NRG3: variants seen among roughly 807,000 people sequenced by gnomAD.
The protein encoded by NRG3 is pro-neuregulin-3, membrane-bound isoform.
NRG3 carries 31 observed loss-of-function variants against 66.9 expected under a neutral mutation model. The ratio of observed to expected loss-of-function variants is 0.46; its 90% confidence interval spans 0.35 to 0.63. The LOEUF (loss-of-function observed/expected upper bound fraction) is 0.63. NRG3 is among the 20% of genes least tolerant of loss of function. The probability of loss-of-function intolerance (pLI) is 0.00; values close to 1 mark genes in which losing one functional copy is unlikely to be tolerated. For synonymous variants in NRG3, 393 were observed against 359.4 expected, an observed-to-expected ratio of 1.09 and a Z score of -1.06; for missense variants, 910 against 878.9, an observed-to-expected ratio of 1.04 and a Z score of -0.45.
At chr10:82,541,008 G>T (rs78380287) in intron 2 of NRG3, among the ~76,000 whole-genome samples, 3,131 of 152,104 alleles carry the variant, frequency 0.021, 97 homozygotes, top group African/African-American at 0.07. Context: ...AGAGATGGCG[G>T]GTACACATGT....
chr10:82,515,124 A>G (rs1845530936), intron 2 of NRG3, among the ~76,000 whole-genome samples: 1 of 152,182 alleles, frequency 6.6e-6, no homozygotes, highest in South Asian at 2.1e-4. Context: ...ATTTAGTGGT[A>G]TCTCAATGTG....
At position 82,486,201 on chromosome 10, in the gene NRG3, T is replaced by TGG. The variant is rs560348728; in HGVS notation, c.953+127333_953+127334insGG. 2.8e-3 allele frequency among the ~76,000 whole-genome samples: 420 copies of TGG among 152,316 alleles called. 1 individual carries two copies. Among genetic ancestry groups the TGG allele is most frequent in the African/African-American group, 9.7e-3 (402 of 41,576 alleles). The stretch of plus-strand genomic sequence containing the variant: ...TGGAGAAATTGGAACCCTTGTATAT[T>TGG]ATTGGTGGGACTGTAAAATAGTGCA... On this transcript the variant is annotated intron_variant, in intron 2 of 8. Coordinates refer to ENST00000372141, the MANE Select transcript of NRG3 (RefSeq NM_001010848.4).
intron 1 of NRG3, among the ~76,000 whole-genome samples, chr10:82,341,622 T>C (rs1233571780): frequency 6.6e-6 from 1 of 152,080 alleles, no homozygotes; most frequent in Non-Finnish European, 1.5e-5. Flanking sequence ...TTTATAGATT[T>C]AGGGAGTACA....
chr10:82,237,854 T>C (rs1688214353), intron 1 of NRG3, among the ~76,000 whole-genome samples: 1 of 152,194 alleles, frequency 6.6e-6, no homozygotes, highest in Non-Finnish European at 1.5e-5. Context: ...CAGGACAAAG[T>C]AAGATCATTT....
chr10:82,395,382 G>A (rs544129412), intron 2 of NRG3, among the ~76,000 whole-genome samples: 51 of 152,282 alleles, frequency 3.3e-4, no homozygotes, highest in Non-Finnish European at 5.1e-4. Context: ...CATTGCAGAT[G>A]TGAAAATATG....
intron 1 of NRG3, among the ~76,000 whole-genome samples, chr10:82,075,966 C>T (rs1042023697): frequency 1.5e-5 from 2 of 134,004 alleles, no homozygotes; most frequent in African/African-American, 5.4e-5. Context: ...AAAAAAAAAA[C>T]GATCATTTAA....
In NRG3 at chr10:82,845,623, AG is replaced by A. The variant is rs1043584365; in HGVS notation, c.1028-19786del. On this transcript the variant is annotated intron_variant, in intron 3 of 8. Coordinates refer to ENST00000372141, the MANE Select transcript of NRG3 (RefSeq NM_001010848.4). ...GATAAACTGGAAATAGAAAATAAAAAGGAAAAAAAACAAACAGAAAATAAGT... is the reference window on the plus strand; with the variant it reads ...GATAAACTGGAAATAGAAAATAAAAAGAAAAAAAACAAACAGAAAATAAGT... Among the ~76,000 whole-genome samples, 17 of 152,360 alleles carry A rather than the reference AG, an allele frequency of 1.1e-4. No homozygotes were observed. In the South Asian group the frequency reaches 1.4e-3, roughly 13 times the overall value.
intron 3 of NRG3, among the ~76,000 whole-genome samples, chr10:82,746,508 T>TG (rs371357631): frequency 2.4e-4 from 36 of 152,150 alleles, no homozygotes; most frequent in African/African-American, 8.7e-4. Context: ...CTGGGAGAGC[T>TG]GGGCATTCAG....
At chr10:82,638,462 T>A (rs964704063) in intron 2 of NRG3, among the ~76,000 whole-genome samples, 1 of 152,124 alleles carries the variant, frequency 6.6e-6, no homozygotes, top group Non-Finnish European at 1.5e-5. Context: ...TATAGGCATT[T>A]ATTAACACAG....
At chr10:82,455,551 A>G (rs1486563318) in intron 2 of NRG3, among the ~76,000 whole-genome samples, 2 of 152,008 alleles carry the variant, frequency 1.3e-5, no homozygotes, top group African/African-American at 2.4e-5. Context: ...AGTGAATGTG[A>G]AGGCCTGTTT....
chr10:82,551,813 C>T (rs550787353), intron 2 of NRG3, among the ~76,000 whole-genome samples: 5 of 152,124 alleles, frequency 3.3e-5, no homozygotes, highest in Non-Finnish European at 5.9e-5. Context: ...GTACTTGCTG[C>T]CTTAATACTT....
chr10:82,613,313 G>C (rs1425905479), intron 2 of NRG3, among the ~76,000 whole-genome samples: 16 of 150,894 alleles, frequency 1.1e-4, no homozygotes, highest in Admixed American at 1.1e-3. Flanking sequence ...ATATTTTAAG[G>C]GCTTATATCT....
At chr10:82,345,810 T>C (rs2082980826) in intron 1 of NRG3, among the ~76,000 whole-genome samples, 3 of 151,722 alleles carry the variant, frequency 2.0e-5, no homozygotes, top group African/African-American at 7.2e-5. Flanking sequence ...CTAGGTATTT[T>C]ATTCTCTTTG....
chr10:82,219,644 T>C (rs776016738), intron 1 of NRG3, among the ~76,000 whole-genome samples: 4 of 152,162 alleles, frequency 2.6e-5, no homozygotes, highest in Admixed American at 6.6e-5. Context: ...TGTCTTAATA[T>C]TAGTTAATTG....
chr10:82,946,115 A>C (rs987628674), intron 4 of NRG3, among the ~76,000 whole-genome samples: 1 of 151,866 alleles, frequency 6.6e-6, no homozygotes, highest in African/African-American at 2.4e-5. Context: ...TGAGTAAATT[A>C]ATGAAGAATA....
At chr10:82,519,814 A>G (rs1846029511) in intron 2 of NRG3, among the ~76,000 whole-genome samples, 1 of 152,174 alleles carries the variant, frequency 6.6e-6, no homozygotes, top group Non-Finnish European at 1.5e-5. Context: ...AGACGCAACC[A>G]AACTGGGGAA....
chr10:82,695,879 G>A (rs1000129730), intron 2 of NRG3, among the ~76,000 whole-genome samples: 4 of 151,998 alleles, frequency 2.6e-5, no homozygotes, highest in Non-Finnish European at 5.9e-5. Flanking sequence ...GGGGGGAATG[G>A]CCTCTCCCTT....
chr10:82,509,295 A>G (rs1417402304), intron 2 of NRG3, among the ~76,000 whole-genome samples: 1 of 152,184 alleles, frequency 6.6e-6, no homozygotes, highest in African/African-American at 2.4e-5. Flanking sequence ...CTCATGTTGT[A>G]GGGGTTTGTT....
intron 1 of NRG3, among the ~76,000 whole-genome samples, chr10:82,278,091 C>G (rs986969338): frequency 1.2e-4 from 19 of 152,024 alleles, no homozygotes; most frequent in African/African-American, 4.3e-4. Flanking sequence ...ATGAATAGGA[C>G]AAAAATTGAT....
Sources: allele counts gnomAD v4.1 joint callset (sites outside exome capture counted in the v4.1 genomes callset), GRCh38; gene constraint gnomAD v4.1.1; transcripts MANE v1.5; gene names NCBI Gene and HGNC (gene_info 2026-07-23, HGNC 2026-07-21).